Variants in FAM13A observed in about 807,000 individuals in gnomAD.
FAM13A encodes protein FAM13A.
In FAM13A, 76 loss-of-function variants were observed where a neutral mutation model predicts 129.6. The observed-to-expected ratio is 0.59, with a 90% CI of 0.49 to 0.71. The LOEUF (loss-of-function observed/expected upper bound fraction) is 0.71. Among genes scored for constraint, FAM13A ranks in the 30% least tolerant of loss-of-function variants. The probability of loss-of-function intolerance (pLI) is 0.00; values close to 1 mark genes in which losing one functional copy is unlikely to be tolerated. For missense variants in FAM13A, 1,108 were observed against 1,249.3 expected (o/e 0.89, Z 1.70); for synonymous variants, 443 against 449.9 (o/e 0.98, Z 0.20).
At chr4:88,963,705 C>T (rs890506676) in intron 4 of FAM13A, among the ~76,000 whole-genome samples, 1 of 152,170 alleles carries the variant, frequency 6.6e-6, no homozygotes, top group Admixed American at 6.5e-5. Context: ...TTAAAAACCA[C>T]CACAATTATA....
intron 4 of FAM13A, among the ~76,000 whole-genome samples, chr4:88,974,079 A>G (rs1760551535): frequency 6.6e-6 from 1 of 152,188 alleles, no homozygotes; most frequent in Admixed American, 6.5e-5. Flanking sequence ...TGTCAGAAGC[A>G]TGAAGGGATT....
intron 6 of FAM13A, among the ~76,000 whole-genome samples, chr4:88,886,792 A>G (rs1744492577): frequency 6.6e-6 from 1 of 151,768 alleles, no homozygotes; most frequent in African/African-American, 2.4e-5. Context: ...CTGTAATCCC[A>G]GCTATTCGGG....
intron 7 of FAM13A, among the ~76,000 whole-genome samples, chr4:88,806,967 CA>C (rs1276174107): frequency 6.6e-6 from 1 of 151,938 alleles, no homozygotes. Context: ...ATCATTATGC[CA>C]AAGAAACACC....
Position 88,839,070 on chromosome 4 carries a change from T to C in FAM13A, c.1007+11950A>G, listed in dbSNP as rs369810332. Among the ~76,000 whole-genome samples, 21 of 152,332 alleles carry C rather than the reference T, an allele frequency of 1.4e-4. 1 individual carries two copies. The South Asian group carries it at 3.7e-3, about 27-fold the overall frequency. ...AATACTCTTATCATCATGTTATTTA[T>C]TTTGTTCCTGGGCTTTTGTTTTATT... On this transcript the variant is annotated intron_variant, in intron 7 of 23. Coordinates refer to ENST00000264344, the MANE Select transcript of FAM13A (RefSeq NM_014883.4).
chr4:88,959,244 G>C (rs1333150294), intron 4 of FAM13A, among the ~76,000 whole-genome samples: 1 of 152,206 alleles, frequency 6.6e-6, no homozygotes, highest in African/African-American at 2.4e-5. Context: ...AAAAGGACAT[G>C]AGATTTGGGA....
intron 1 of FAM13A, among the ~76,000 whole-genome samples, chr4:89,035,814 G>A (rs533286235): frequency 1.4e-4 from 21 of 152,270 alleles, no homozygotes; most frequent in Middle Eastern, 6.8e-3. Flanking sequence ...TTCACCATAA[G>A]TGTAAGTTTC....
intron 13 of FAM13A, 160 bp from the exon 14 acceptor site, chr4:88,759,061 G>C: frequency 1.5e-6 from 1 of 663,874 alleles, no homozygotes; most frequent in African/African-American, 1.8e-5. Flanking sequence ...CCGGATCCTA[G>C]CTGGCCACTT....
intron 6 of FAM13A, among the ~76,000 whole-genome samples, chr4:88,863,010 A>ATACACATATATATATATG (rs1554009087): frequency 6.6e-6 from 1 of 150,640 alleles, no homozygotes; most frequent in Non-Finnish European, 1.5e-5. Context: ...AAATATATAC[A>ATACACATATATATATATG]TATATATTTG....
At chr4:88,916,284 G>T (rs1253987393) in intron 5 of FAM13A, among the ~76,000 whole-genome samples, 1 of 152,186 alleles carries the variant, frequency 6.6e-6, no homozygotes, top group Non-Finnish European at 1.5e-5. Flanking sequence ...AAGCTCTAAA[G>T]TTTGGACTCC....
At chr4:89,038,463 A>T (rs1159203402) in intron 1 of FAM13A, among the ~76,000 whole-genome samples, 1 of 123,002 alleles carries the variant, frequency 8.1e-6, no homozygotes, top group Non-Finnish European at 1.8e-5. Flanking sequence ...AGAAAGCAAT[A>T]AAAAAAAAAT....
At chr4:89,047,707 G>A (rs772892093) in intron 1 of FAM13A, among the ~76,000 whole-genome samples, 75 of 152,148 alleles carry the variant, frequency 4.9e-4, no homozygotes, top group Admixed American at 1.2e-3. Flanking sequence ...AAAACTAGCG[G>A]CTTTGGTGAT....
At chr4:88,872,196 G>A (rs79692591) in intron 6 of FAM13A, among the ~76,000 whole-genome samples, 19 of 152,200 alleles carry the variant, frequency 1.2e-4, no homozygotes, top group East Asian at 1.9e-4. Flanking sequence ...AAAATATGAC[G>A]AATTGTAAAC....
At chr4:88,792,109 G>A (rs1725297057) in intron 8 of FAM13A, among the ~76,000 whole-genome samples, 1 of 151,974 alleles carries the variant, frequency 6.6e-6, no homozygotes, top group South Asian at 2.1e-4. Flanking sequence ...AACACCCTAA[G>A]ACTTACTGAG....
intron 21 of FAM13A, among the ~76,000 whole-genome samples, chr4:88,735,929 C>T (rs550979134): frequency 6.6e-6 from 1 of 152,038 alleles, no homozygotes; most frequent in African/African-American, 2.4e-5. Flanking sequence ...AGGTTATCTT[C>T]AATTCATTTG....
At chr4:88,837,482 G>A (rs1176868202) in intron 7 of FAM13A, among the ~76,000 whole-genome samples, 8 of 150,840 alleles carry the variant, frequency 5.3e-5, no homozygotes, top group African/African-American at 1.7e-4. Flanking sequence ...TTGGGAGGCC[G>A]AGGTGGGCAG....
At chr4:88,736,467 C>T (rs149726719) in intron 21 of FAM13A, 44 of 152,308 alleles carry the variant, frequency 2.9e-4, no homozygotes, top group African/African-American at 1.0e-3. Flanking sequence ...ATGATCGCCC[C>T]AGGCTCGGAA....
At chr4:89,039,376 C>T (rs910586792) in intron 1 of FAM13A, among the ~76,000 whole-genome samples, 1 of 152,176 alleles carries the variant, frequency 6.6e-6, no homozygotes, top group Admixed American at 6.5e-5. Flanking sequence ...ACCAAATTCA[C>T]ACAATGCATA....
chr4:88,857,471 TAAAA>T (rs1396237601), intron 6 of FAM13A, among the ~76,000 whole-genome samples: 2 of 150,980 alleles, frequency 1.3e-5, no homozygotes, highest in Non-Finnish European at 3.0e-5. Context: ...GTACTAAAAA[TAAAA>T]AAAATTAGCC....
At chr4:89,001,519 T>A (rs1764242487) in intron 3 of FAM13A, among the ~76,000 whole-genome samples, 1 of 152,200 alleles carries the variant, frequency 6.6e-6, no homozygotes, top group Admixed American at 6.5e-5. Context: ...GAAACAGATA[T>A]TTGTGTAAGT....
Sources: gnomAD v4.1 joint callset for allele counts (sites outside exome capture counted in the v4.1 genomes callset) on GRCh38, gnomAD v4.1.1 for gene constraint, MANE v1.5 for transcripts, NCBI Gene and HGNC (gene_info 2026-07-23, HGNC 2026-07-21) for gene names.